Variants in KIAA1217 observed in about 807,000 individuals in gnomAD.
KIAA1217 encodes KIAA1217.
KIAA1217 carries 88 observed loss-of-function variants against 163.9 expected under a neutral mutation model. The observed-to-expected ratio is 0.54, with a 90% CI of 0.45 to 0.64. The LOEUF is 0.64. Among genes scored for constraint, KIAA1217 ranks in the 30% least tolerant of loss-of-function variants. The probability of loss-of-function intolerance (pLI) is 0.00; values close to 1 mark genes in which losing one functional copy is unlikely to be tolerated. For missense variants in KIAA1217, 2,372 were observed against 2,475.0 expected (o/e 0.96, Z 0.88); for synonymous variants, 903 against 923.1 (o/e 0.98, Z 0.39).
At chr10:23,729,226 C>T (rs1192327771) in intron 1 of KIAA1217, among the ~76,000 whole-genome samples, 1 of 152,196 alleles carries the variant, frequency 6.6e-6, no homozygotes, top group Non-Finnish European at 1.5e-5. Flanking sequence ...GTTTCCAAGG[C>T]TTGGCAATTA....
intron 2 of KIAA1217, among the ~76,000 whole-genome samples, chr10:24,177,186 A>T (rs1291825810): frequency 6.7e-6 from 1 of 148,378 alleles, no homozygotes; most frequent in Admixed American, 6.7e-5. Flanking sequence ...AAGCATGACC[A>T]GAGTGGACGC....
At chr10:24,122,150 C>T (rs937153051) in intron 2 of KIAA1217, among the ~76,000 whole-genome samples, 2 of 151,946 alleles carry the variant, frequency 1.3e-5, no homozygotes, top group Non-Finnish European at 2.9e-5. Context: ...TCAGCCCTTC[C>T]CCCCACCCTT....
chr10:24,084,804 G>A (rs1269162287), intron 2 of KIAA1217, among the ~76,000 whole-genome samples: 1 of 151,978 alleles, frequency 6.6e-6, no homozygotes, highest in Non-Finnish European at 1.5e-5. Context: ...TGCCGCATCT[G>A]ACTCAGATTC....
chr10:24,321,511 T>C (rs1025955661), intron 2 of KIAA1217, among the ~76,000 whole-genome samples: 2 of 151,640 alleles, frequency 1.3e-5, no homozygotes, highest in African/African-American at 4.9e-5. Flanking sequence ...CCAGCCTGGG[T>C]AACAGAGAGC....
chr10:24,412,160 T>A (rs987343039), intron 3 of KIAA1217, among the ~76,000 whole-genome samples: 1 of 137,390 alleles, frequency 7.3e-6, no homozygotes, highest in African/African-American at 2.9e-5. Context: ...TGTGAGAATA[T>A]CACAAAAATG....
intron 2 of KIAA1217, among the ~76,000 whole-genome samples, chr10:24,192,631 C>T (rs781428881): frequency 3.9e-5 from 6 of 152,160 alleles, no homozygotes; most frequent in South Asian, 2.1e-4. Flanking sequence ...TTAGAGGTCA[C>T]ACCCACACCA....
intron 6 of KIAA1217, among the ~76,000 whole-genome samples, chr10:24,480,079 C>A (rs1368198744): frequency 1.3e-5 from 2 of 152,168 alleles, no homozygotes; most frequent in South Asian, 2.1e-4. Flanking sequence ...CTGGCCTCTA[C>A]CCACTGGAAG....
At chr10:24,063,933 C>A (rs1401427237) in intron 2 of KIAA1217, among the ~76,000 whole-genome samples, 1 of 152,144 alleles carries the variant, frequency 6.6e-6, no homozygotes, top group African/African-American at 2.4e-5. Flanking sequence ...CATGATTTGG[C>A]TCTCTGTTTG....
intron 5 of KIAA1217, among the ~76,000 whole-genome samples, chr10:24,459,362 A>G (rs1414279303): frequency 3.3e-5 from 5 of 152,292 alleles, no homozygotes; most frequent in Middle Eastern, 3.4e-3. Context: ...CTACCAGAGT[A>G]TTTGTCTGTT....
chr10:24,089,435 C>T (rs1436805827), intron 2 of KIAA1217, among the ~76,000 whole-genome samples: 2 of 125,192 alleles, frequency 1.6e-5, no homozygotes, highest in African/African-American at 5.0e-5. Flanking sequence ...TTAGGTCTAA[C>T]ATTTAAGTCT....
chr10:24,363,567 G>GTTTTTT (rs1176059578), intron 2 of KIAA1217, among the ~76,000 whole-genome samples: 1 of 128,450 alleles, frequency 7.8e-6, no homozygotes, highest in Non-Finnish European at 1.7e-5. Flanking sequence ...TTTTGTTTTT[G>GTTTTTT]TTTTTTTTTT....
intron 2 of KIAA1217, among the ~76,000 whole-genome samples, chr10:24,268,465 T>C (rs914902299): frequency 1.3e-5 from 2 of 151,472 alleles, no homozygotes; most frequent in African/African-American, 2.4e-5. Context: ...AAAATGCTCA[T>C]CATCACTGGC....
intron 2 of KIAA1217, among the ~76,000 whole-genome samples, chr10:24,059,168 G>C (rs547644134): frequency 6.6e-6 from 1 of 152,218 alleles, no homozygotes; most frequent in South Asian, 2.1e-4. Flanking sequence ...TGCTGATGTG[G>C]TGTATCACAT....
At chr10:24,489,109 G>A (rs755593443) in intron 6 of KIAA1217, among the ~76,000 whole-genome samples, 5 of 152,060 alleles carry the variant, frequency 3.3e-5, no homozygotes, top group Admixed American at 2.6e-4. Context: ...AGCAAATGGC[G>A]GAACCACCTA....
intron 2 of KIAA1217, among the ~76,000 whole-genome samples, chr10:24,038,747 C>CTTTT (rs3072773): frequency 1.3e-5 from 1 of 76,302 alleles, no homozygotes; most frequent in Non-Finnish European, 2.4e-5. Flanking sequence ...CTGAGAATTG[C>CTTTT]TTTTTTTTTT....
At chr10:24,274,439 A>C (rs2077067934) in intron 2 of KIAA1217, among the ~76,000 whole-genome samples, 1 of 152,114 alleles carries the variant, frequency 6.6e-6, no homozygotes, top group Non-Finnish European at 1.5e-5. Flanking sequence ...GAAATTGTCA[A>C]GTTCTCACAT....
chr10:23,961,633 G>A (rs1477546558), intron 1 of KIAA1217, among the ~76,000 whole-genome samples: 1 of 152,154 alleles, frequency 6.6e-6, no homozygotes, highest in East Asian at 1.9e-4. Flanking sequence ...AAATCAAACA[G>A]ATCCAATTAA....
intron 2 of KIAA1217, among the ~76,000 whole-genome samples, chr10:24,333,595 G>A (rs748649132): frequency 6.6e-6 from 1 of 152,054 alleles, no homozygotes; most frequent in Non-Finnish European, 1.5e-5. Flanking sequence ...GTTCTTTCTT[G>A]ACCAACTACC....
chr10:24,514,725 C>T (rs1296491824), intron 10 of KIAA1217, among the ~76,000 whole-genome samples: 3 of 152,124 alleles, frequency 2.0e-5, no homozygotes, highest in Non-Finnish European at 4.4e-5. Context: ...CACGGAGGCT[C>T]ATACCTGTAA....
Sources: allele counts gnomAD v4.1 joint callset (sites outside exome capture counted in the v4.1 genomes callset), GRCh38; gene constraint gnomAD v4.1.1; transcripts MANE v1.5; gene names NCBI Gene and HGNC (gene_info 2026-07-23, HGNC 2026-07-21).